The following CDH17 variants were observed in gnomAD, a reference collection of about 807,000 sequenced individuals.
The protein encoded by CDH17 is cadherin 17, also known as cadherin-17.
A neutral mutation model predicts 86.3 loss-of-function variants in CDH17; 67 were observed. That is an observed-to-expected ratio of 0.78 (90% CI 0.64 to 0.95). The LOEUF is 0.95. Among genes scored for constraint, CDH17 ranks in the 40% least tolerant of loss-of-function variants. The pLI, the probability that CDH17 is intolerant of heterozygous loss-of-function variation, is 0.00. For missense variants in CDH17, 993 were observed against 1,017.6 expected, an observed-to-expected ratio of 0.98 and a Z score of 0.33; for synonymous variants, 367 against 366.4, an observed-to-expected ratio of 1.00 and a Z score of -0.02.
intron 12 of CDH17, 62 bp from the exon 13 acceptor site, chr8:94,152,174 C>A: frequency 6.4e-7 from 1 of 1,561,534 alleles, no homozygotes; most frequent in Non-Finnish European, 8.7e-7. Context: ...AAGATTCATT[C>A]CCTATCCTTC....
At chr8:94,153,920 C>T (rs1812902008) in intron 12 of CDH17, among the ~76,000 whole-genome samples, 1 of 152,070 alleles carries the variant, frequency 6.6e-6, no homozygotes, top group Non-Finnish European at 1.5e-5. Context: ...CTGGTAAAAG[C>T]ATGCAAAATT....
At chr8:94,214,241 C>A (rs1814163878) in intron 1 of CDH17, among the ~76,000 whole-genome samples, 1 of 152,118 alleles carries the variant, frequency 6.6e-6, no homozygotes, top group Admixed American at 6.5e-5. Flanking sequence ...GAAGTACTGT[C>A]ATGGGGTCAA....
At chr8:94,162,425 T>C (rs1446615706) in intron 10 of CDH17, among the ~76,000 whole-genome samples, 1 of 152,184 alleles carries the variant, frequency 6.6e-6, no homozygotes, top group Non-Finnish European at 1.5e-5. Flanking sequence ...TCCTCCTAAG[T>C]AAAGTTAGGT....
chr8:94,205,073 A>G (rs1462290559), intron 1 of CDH17, among the ~76,000 whole-genome samples: 3 of 152,164 alleles, frequency 2.0e-5, no homozygotes, highest in Admixed American at 2.0e-4. Context: ...CTAGGCATAA[A>G]TGGGTTTTAA....
At chr8:94,212,182 C>A (rs980301263), upstream of CDH17, among the ~76,000 whole-genome samples, 7 of 152,170 alleles carry the variant, frequency 4.6e-5, no homozygotes, top group Non-Finnish European at 7.3e-5. Context: ...CAGGGTCTCG[C>A]TCTGTCACAG....
intron 1 of CDH17, among the ~76,000 whole-genome samples, chr8:94,196,658 G>C (rs929890552): frequency 1.1e-4 from 17 of 152,110 alleles, no homozygotes; most frequent in African/African-American, 3.9e-4. Flanking sequence ...AGAGTCCTCA[G>C]TAAGGTTTCC....
Position 94,128,136 on chromosome 8 carries a change from T to C in CDH17, c.*104A>G. On this transcript the variant is annotated 3_prime_UTR_variant, in exon 18 of 18. Transcript: ENST00000027335. ...AAATATTAAAGGACAAGAGGGAATA[T>C]CTGTTTAAAAAATTATAATGCACGT... 1.4e-6 allele frequency: 1 copy of C among 736,056 alleles called. No individual in the cohort carries two copies. The highest frequency in any genetic ancestry group is 2.4e-6 in the Non-Finnish European group (1 of 425,458). The allele number at this position is 736,056 out of a possible 1,614,324, so 45.6% of individuals were successfully genotyped here. A position where few individuals can be genotyped will look rare whatever the true frequency, so the allele number is the denominator to read the frequency against.
At chr8:94,210,994 C>A (rs1197376792), upstream of CDH17, among the ~76,000 whole-genome samples, 1 of 145,398 alleles carries the variant, frequency 6.9e-6, no homozygotes, top group African/African-American at 2.6e-5. Context: ...GCACTCCAGC[C>A]TAGCCGACAG....
chr8:94,137,650 A>G (rs1225936120), intron 15 of CDH17, among the ~76,000 whole-genome samples: 2 of 152,082 alleles, frequency 1.3e-5, no homozygotes, highest in Admixed American at 1.3e-4. Context: ...GAAATCACCA[A>G]TGAAAAGCAC....
intron 1 of CDH17, among the ~76,000 whole-genome samples, chr8:94,207,315 G>A (rs989433481): frequency 2.6e-5 from 4 of 152,068 alleles, no homozygotes; most frequent in African/African-American, 7.2e-5. Flanking sequence ...GGAACAGAGC[G>A]CTAACATTCA....
At position 94,128,169 on chromosome 8, in the gene CDH17, AAAGT is replaced by A; in HGVS notation, c.*67_*70del. ...AAAAATTATAATGCACGTTAGATGAAAAGTAATAGGATGAGATGGTTGTTGCTGA... is the reference window on the plus strand; with the variant it reads ...AAAAATTATAATGCACGTTAGATGAAAATAGGATGAGATGGTTGTTGCTGA... On this transcript the variant is annotated 3_prime_UTR_variant, in exon 18 of 18. Transcript: ENST00000027335. 2 of 933,490 alleles carry A rather than the reference AAAGT, an allele frequency of 2.1e-6. No individual in the cohort carries two copies. Among genetic ancestry groups the A allele is most frequent in the Non-Finnish European group, 3.5e-6 (2 of 575,282 alleles). 57.8% of individuals were successfully genotyped at this position (933,490 alleles called of 1,614,324 possible). A position where few individuals can be genotyped will look rare whatever the true frequency, so the allele number is the denominator to read the frequency against.
chr8:94,213,581 A>G (rs970647257), intron 1 of CDH17, among the ~76,000 whole-genome samples: 56 of 89,470 alleles, frequency 6.3e-4, no homozygotes, highest in African/African-American at 2.0e-3. Flanking sequence ...AGAAATGACC[A>G]TCATTCTTAT....
intron 1 of CDH17, among the ~76,000 whole-genome samples, chr8:94,216,742 T>C (rs1033456434): frequency 6.6e-6 from 1 of 152,182 alleles, no homozygotes; most frequent in Non-Finnish European, 1.5e-5. Flanking sequence ...AACTACACAA[T>C]ACTTGACTAG....
At chr8:94,144,805 G>A (rs1278221320) in intron 15 of CDH17, among the ~76,000 whole-genome samples, 2 of 152,128 alleles carry the variant, frequency 1.3e-5, no homozygotes, top group Non-Finnish European at 2.9e-5. Flanking sequence ...AAAAATGCTT[G>A]CAACTCAGCA....
intron 15 of CDH17, among the ~76,000 whole-genome samples, chr8:94,131,730 C>A (rs895040975): frequency 1.3e-5 from 2 of 151,926 alleles, no homozygotes; most frequent in African/African-American, 4.8e-5. Context: ...ACTTAATGTG[C>A]AGGTTTGATA....
At chr8:94,167,806 C>G (rs1284809938) in intron 9 of CDH17, among the ~76,000 whole-genome samples, 1 of 152,022 alleles carries the variant, frequency 6.6e-6, no homozygotes, top group East Asian at 1.9e-4. Context: ...ACACCCCTCG[C>G]TGGGAGCAGA....
At chr8:94,162,289 A>C in intron 10 of CDH17, 127 bp from the exon 11 acceptor site, 1 of 660,288 alleles carries the variant, frequency 1.5e-6, no homozygotes, top group South Asian at 1.8e-5. Flanking sequence ...TTGACATGCA[A>C]TTTGTGCAGA....
chr8:94,165,622 T>A, intron 10 of CDH17, 139 bp downstream of exon 10: 1 of 673,902 alleles, frequency 1.5e-6, no homozygotes, highest in Admixed American at 2.2e-5. Context: ...TATCTCTGTG[T>A]TATGTGTGTT....
intron 3 of CDH17, among the ~76,000 whole-genome samples, chr8:94,178,937 A>T (rs1223549299): frequency 1.3e-5 from 2 of 152,064 alleles, no homozygotes; most frequent in African/African-American, 4.8e-5. Flanking sequence ...GCCTACAGAA[A>T]ACTGCTCCTC....
Sources: allele counts gnomAD v4.1 joint callset (sites outside exome capture counted in the v4.1 genomes callset), GRCh38; gene constraint gnomAD v4.1.1; transcripts MANE v1.5; gene names NCBI Gene and HGNC (gene_info 2026-07-23, HGNC 2026-07-21).